ZFAND4: variants seen among roughly 807,000 people sequenced by gnomAD.
The protein encoded by ZFAND4 is AN1-type zinc finger protein 4.
Under a neutral mutation model 64.4 loss-of-function variants are expected in ZFAND4, and 43 were observed. The observed-to-expected ratio is 0.67, with a 90% CI of 0.52 to 0.86. ZFAND4 has a LOEUF of 0.86. ZFAND4 is among the 40% of genes least tolerant of loss of function. ZFAND4 has a pLI of 0.00. For synonymous variants in ZFAND4, 296 were observed against 305.7 expected (o/e 0.97, Z 0.33); for missense variants, 929 against 859.8 (o/e 1.08, Z -1.01).
intron 6 of ZFAND4, among the ~76,000 whole-genome samples, chr10:45,633,571 T>C (rs529519442): frequency 7.2e-5 from 11 of 151,864 alleles, no homozygotes; most frequent in Non-Finnish European, 2.9e-5. Flanking sequence ...AAAAAGCCTC[T>C]GCCACCAGAA....
At chr10:45,619,107 C>T (rs893890103) in intron 8 of ZFAND4, among the ~76,000 whole-genome samples, 27 of 151,628 alleles carry the variant, frequency 1.8e-4, no homozygotes, top group African/African-American at 4.8e-4. Context: ...GGCGCAATCT[C>T]GGCTCACTGC....
intron 6 of ZFAND4, among the ~76,000 whole-genome samples, chr10:45,630,680 C>T (rs907266672): frequency 1.3e-5 from 2 of 151,918 alleles, no homozygotes; most frequent in African/African-American, 2.4e-5. Flanking sequence ...GAGCCAAGAT[C>T]GCACCACTGC....
In ZFAND4 at chr10:45,659,528, C is replaced by T. The variant is rs570777025; in HGVS notation, c.184+4014G>A. ...AAACCTCACTCTAATGTCCTATTTA[C>T]CTCAATTCCTATTACCTGATATGTT... On this transcript the variant is annotated intron_variant, in intron 2 of 9. Coordinates refer to ENST00000344646, the MANE Select transcript of ZFAND4 (RefSeq NM_174890.4). 2.6e-5 allele frequency among the ~76,000 whole-genome samples: 4 copies of T among 152,210 alleles called. No homozygotes were observed. In the East Asian group the frequency reaches 7.7e-4, roughly 29 times the overall value.
At chr10:45,646,800 C>T (rs543698579) in intron 5 of ZFAND4, among the ~76,000 whole-genome samples, 32 of 152,298 alleles carry the variant, frequency 2.1e-4, no homozygotes, top group South Asian at 6.2e-4. Context: ...CACGGCAAAA[C>T]TGGTATGAAG....
chr10:45,663,022 A>T (rs2048574362), intron 2 of ZFAND4, among the ~76,000 whole-genome samples: 2 of 151,996 alleles, frequency 1.3e-5, no homozygotes, highest in Non-Finnish European at 2.9e-5. Flanking sequence ...CACAAAAGAG[A>T]CATTACACAT....
chr10:45,652,075 T>G, intron 3 of ZFAND4, 42 bp from the exon 4 acceptor site: 1 of 1,593,048 alleles, frequency 6.3e-7, no homozygotes, highest in Non-Finnish European at 8.6e-7. Flanking sequence ...ATCATCAAAA[T>G]GCATTCAGTT....
rs1192154303 is a variant in ZFAND4 at position 45,626,384 on chromosome 10, G to A, written c.1439C>T (p.Pro480Leu). 1.2e-6 allele frequency: 2 copies of A among 1,614,018 alleles called. No individual in the cohort carries two copies. The highest frequency in any genetic ancestry group is 1.3e-5 in the African/African-American group (1 of 74,918). ...RLLSPLRCSA[P>L]MSLHNSLVKP... is the part of the protein sequence containing the mutation. The stretch of plus-strand genomic sequence containing the variant: ...CACCAGAGAATTATGTAGCGACATT[G>A]GTGCAGAACAGCGAAGAGGTGACAA... Residue 480 changes from proline to leucine, a missense_variant, in exon 7 of 10, where the codon CCA becomes CTA. Physicochemically the swap from Pro to Leu is moderately conservative, Grantham distance 98. Transcript: ENST00000344646.
chr10:45,663,914 T>C lies in ZFAND4; in HGVS notation c.-117-72A>G, dbSNP rs138482124. The C allele has an allele frequency of 1.7e-3, 795 of 471,838 alleles. 5 individuals are homozygous for C. The highest frequency in any genetic ancestry group is 0.015 in the African/African-American group (720 of 49,028). The allele number at this position is 471,838 out of a possible 1,614,324, so 29.2% of individuals were successfully genotyped here. A position where few individuals can be genotyped will look rare whatever the true frequency, so the allele number is the denominator to read the frequency against. The stretch of plus-strand genomic sequence containing the variant: ...TTGTCCATAAAGATTTTCCGTTAAC[T>C]GTGGCCCATATCAATCTTCCAGACG... On this transcript the variant is annotated intron_variant, in intron 1 of 9. Transcript: ENST00000344646.
At chr10:45,651,238 G>A (rs1022119117) in intron 4 of ZFAND4, 15 of 174,168 alleles carry the variant, frequency 8.6e-5, no homozygotes, top group African/African-American at 1.4e-4. Context: ...GAATACTGCC[G>A]TCTCTTCTTG....
intron 4 of ZFAND4, 132 bp from the exon 5 acceptor site, chr10:45,648,666 A>G (rs1430348703): frequency 1.9e-6 from 2 of 1,040,046 alleles, no homozygotes; most frequent in African/African-American, 1.7e-5. Context: ...TATTCTTCAA[A>G]TAAGTTTCTG....
chr10:45,654,164 A>C (rs2047942940), intron 2 of ZFAND4, among the ~76,000 whole-genome samples: 1 of 152,182 alleles, frequency 6.6e-6, no homozygotes, highest in Admixed American at 6.5e-5. Context: ...ACTAGGGACT[A>C]CATGGGGAGG....
intron 5 of ZFAND4, among the ~76,000 whole-genome samples, chr10:45,643,752 C>T (rs1010429213): frequency 6.6e-6 from 1 of 151,476 alleles, no homozygotes; most frequent in African/African-American, 2.4e-5. Context: ...ACTGATGCTG[C>T]ATTTTGTATC....
intron 4 of ZFAND4, chr10:45,649,903 T>G (rs1160060886): frequency 6.6e-6 from 1 of 152,222 alleles, no homozygotes; most frequent in Admixed American, 6.5e-5. Flanking sequence ...CATGAAAGCC[T>G]TTCCTAAACC....
intron 8 of ZFAND4, among the ~76,000 whole-genome samples, chr10:45,621,936 C>T (rs1436730431): frequency 1.3e-5 from 2 of 152,068 alleles, no homozygotes; most frequent in African/African-American, 4.8e-5. Flanking sequence ...TTGTCAGTGA[C>T]CACGGCAATA....
chr10:45,627,732 A>G (rs2045936192), intron 6 of ZFAND4, among the ~76,000 whole-genome samples: 1 of 152,178 alleles, frequency 6.6e-6, no homozygotes, highest in Non-Finnish European at 1.5e-5. Context: ...GGGTGCCTAC[A>G]ATGAAGAGGC....
chr10:45,624,218 G>C (rs142709722), intron 8 of ZFAND4, among the ~76,000 whole-genome samples: 2 of 152,240 alleles, frequency 1.3e-5, no homozygotes, highest in East Asian at 3.9e-4. Context: ...TCTGATGTTT[G>C]GCCATGATGT....
intron 6 of ZFAND4, among the ~76,000 whole-genome samples, chr10:45,635,214 C>CAAAAAAAAAAAAAAAAAAAAA (rs76130878): frequency 4.4e-5 from 3 of 68,254 alleles, no homozygotes; most frequent in African/African-American, 1.7e-4. Context: ...AAAAAAAAAA[C>CAAAAAAAAAAAAAAAAAAAAA]AAAAAAAAAA....
Position 45,626,166 on chromosome 10 carries a change from T to A in ZFAND4, c.1657A>T (p.Thr553Ser). 1 of 1,614,176 alleles carries A rather than the reference T, an allele frequency of 6.2e-7. No homozygotes were observed. Among genetic ancestry groups the A allele is most frequent in the Non-Finnish European group, 8.5e-7 (1 of 1,180,046 alleles). The part of the protein sequence containing the change: ...KVEARDITEM[T>S]NKASKEPVGC... ...ACAGGCTCTTTGGAAGCCTTGTTAG[T>A]CATTTCTGTGATATCCCGAGCCTCA... The change falls in exon 7 of 10, where the codon ACT becomes TCT. Residue 553 changes from threonine (T) to serine (S), a missense_variant. Coordinates refer to ENST00000344646, the MANE Select transcript of ZFAND4 (RefSeq NM_174890.4).
intron 8 of ZFAND4, among the ~76,000 whole-genome samples, chr10:45,619,286 C>T (rs893909234): frequency 2.0e-5 from 3 of 151,896 alleles, no homozygotes; most frequent in Non-Finnish European, 4.4e-5. Context: ...CCTCATGATC[C>T]GCCCATCTCA....
Sources: gnomAD v4.1 joint callset for allele counts (sites outside exome capture counted in the v4.1 genomes callset) on GRCh38, gnomAD v4.1.1 for gene constraint, MANE v1.5 for transcripts, NCBI Gene and HGNC (gene_info 2026-07-23, HGNC 2026-07-21) for gene names.